The following HEXB variants were observed in gnomAD, a reference collection of about 807,000 sequenced individuals.
HEXB encodes the protein beta-hexosaminidase subunit beta.
A neutral mutation model predicts 71.2 loss-of-function variants in HEXB; 51 were observed. That is an observed-to-expected ratio of 0.72 (90% CI 0.57 to 0.90). The LOEUF is 0.90. Among genes scored for constraint, HEXB ranks in the 40% least tolerant of loss-of-function variants. The probability of loss-of-function intolerance (pLI) is 0.00; values close to 1 mark genes in which losing one functional copy is unlikely to be tolerated. For synonymous variants in HEXB, 266 were observed against 249.3 expected, an observed-to-expected ratio of 1.07 and a Z score of -0.63; for missense variants, 617 against 677.0, an observed-to-expected ratio of 0.91 and a Z score of 0.98.
rs17738111 is a variant in HEXB, at chr5:74,719,200, T to C, written c.1417+229T>C. ...TCAAGAAACCATACAGTTGCCTAAA[T>C]TCAAGAACTTCAAAAGTATTATAGA... On this transcript the variant is annotated intron_variant, in intron 11 of 13. Coordinates refer to ENST00000261416, the MANE Select transcript of HEXB (RefSeq NM_000521.4). Among the ~76,000 whole-genome samples the C allele has an allele frequency of 0.075, 11,382 of 152,282 alleles. 618 individuals are homozygous for C. The highest frequency in any genetic ancestry group is 0.16 in the East Asian group (848 of 5,172).
chr5:74,679,478 A>T (rs1748697625), intron 1 of HEXB, among the ~76,000 whole-genome samples: 1 of 152,156 alleles, frequency 6.6e-6, no homozygotes, highest in South Asian at 2.1e-4. Context: ...GGTGACTTCT[A>T]GCATGTGAGC....
chr5:74,680,818 T>C (rs1748724401), upstream of HEXB, among the ~76,000 whole-genome samples: 2 of 152,244 alleles, frequency 1.3e-5, no homozygotes, highest in Non-Finnish European at 2.9e-5. Context: ...ATTAAAGGTC[T>C]GATTTTACCC....
chr5:74,720,455 T>G lies in HEXB; in HGVS notation c.1445T>G (p.Ile482Ser), dbSNP rs773007352. Residue 482 changes from isoleucine to serine, a missense_variant, in exon 12 of 14, where the codon ATT becomes AGT. Transcript: ENST00000261416. The part of the protein sequence containing the change: ...GGTQKQKQLF[I>S]GGEACLWGEY... ...ACTCAGAAACAGAAACAACTTTTCA[T>G]TGGTGGAGAAGCTTGTCTATGGGGA... is the stretch of plus-strand genomic sequence containing the variant. The G allele has an allele frequency of 1.2e-6, 2 of 1,613,184 alleles. No homozygotes were observed. Among genetic ancestry groups the G allele is most frequent in the South Asian group, 2.2e-5 (2 of 91,066 alleles).
In HEXB at chr5:74,715,521, C is replaced by T. The variant is rs1480226407; in HGVS notation, c.913C>T (p.Leu305Phe). 8 of 1,607,592 alleles carry T rather than the reference C, an allele frequency of 5.0e-6. No homozygotes were observed. Among genetic ancestry groups the T allele is most frequent in the South Asian group, 1.1e-5 (1 of 90,918 alleles). Residue 305 changes from leucine (L) to phenylalanine (F), a missense_variant, in exon 8 of 14, where the codon CTC becomes TTC. By Grantham distance (22) the Leu-to-Phe change is conservative. Transcript: ENST00000261416. Reference protein sequence around the residue: ...TLSWGKGQKDLLTPCYSRQNK... With the variant: ...TLSWGKGQKDFLTPCYSRQNK... Reference sequence around the variant, plus strand: ...ATATTTTCTTCTAGGTCAGAAAGACCTCCTGACTCCATGTTACAGTAGACA... The same window carrying T: ...ATATTTTCTTCTAGGTCAGAAAGACTTCCTGACTCCATGTTACAGTAGACA...
chr5:74,641,015 A>C lies in HEXB; in HGVS notation c.-377+457A>C, dbSNP rs1460300529. On this transcript the variant is annotated intron_variant, in intron 1 of 13. Transcript: ENST00000511181. This position sits in a 1 kb window ranked among gnomAD's most constrained non-coding sequence, Gnocchi z 4.1. ...AGCTGCAACCCCGGGAACCGAGAATAAAATAAGTTTTCCCGGGTTCGAGTG... is the reference window on the plus strand; with the variant it reads ...AGCTGCAACCCCGGGAACCGAGAATCAAATAAGTTTTCCCGGGTTCGAGTG... The C allele has an allele frequency of 6.6e-6, 1 of 152,214 alleles. No individual in the cohort carries two copies. The highest frequency in any genetic ancestry group is 1.9e-4 in the East Asian group (1 of 5,176). The allele number at this position is 152,214 out of a possible 1,614,324, so 9.4% of individuals were successfully genotyped here.
chr5:74,718,370 A>AT lies in HEXB; in HGVS notation c.1242+9dup. ...TTTTGATGATAAAGCAAAGGTGAGCATTGTGAAGACTGCATCTGATCAATA... is the reference window on the plus strand; with the variant it reads ...TTTTGATGATAAAGCAAAGGTGAGCATTTGTGAAGACTGCATCTGATCAATA... On this transcript the variant is annotated splice_region_variant and intron_variant, in intron 10 of 13. Transcript: ENST00000261416. The AT allele has an allele frequency of 2.5e-6, 4 of 1,590,222 alleles. No individual in the cohort carries two copies. The highest frequency in any genetic ancestry group is 3.5e-6 in the Non-Finnish European group (4 of 1,158,208).
chr5:74,657,087 A>G (rs185093816), intron 1 of HEXB, among the ~76,000 whole-genome samples: 54 of 152,258 alleles, frequency 3.5e-4, no homozygotes, highest in African/African-American at 1.2e-3. Context: ...CCCCTGGTCA[A>G]CACAGCGACA....
intron 1 of HEXB, among the ~76,000 whole-genome samples, chr5:74,646,727 C>T (rs1398795276): frequency 6.6e-6 from 1 of 152,050 alleles, no homozygotes; most frequent in Non-Finnish European, 1.5e-5. Flanking sequence ...GCCACCGCGC[C>T]CAGCTAATTT....
intron 1 of HEXB, among the ~76,000 whole-genome samples, chr5:74,647,484 C>G (rs1272273767): frequency 6.6e-6 from 1 of 152,198 alleles, no homozygotes; most frequent in Non-Finnish European, 1.5e-5. Context: ...TTAACATTAG[C>G]AGAATGAACA....
intron 5 of HEXB, among the ~76,000 whole-genome samples, chr5:74,699,660 T>A (rs1749214343): frequency 6.6e-6 from 1 of 152,214 alleles, no homozygotes; most frequent in Non-Finnish European, 1.5e-5. Context: ...TTATCATAAA[T>A]ACTACTGCAG....
intron 1 of HEXB, among the ~76,000 whole-genome samples, chr5:74,653,321 T>C (rs1315685704): frequency 1.3e-5 from 2 of 152,238 alleles, no homozygotes; most frequent in Admixed American, 6.5e-5. Context: ...ATCCCACTCC[T>C]GGATCATTCA....
At chr5:74,648,345 G>C (rs181037721) in intron 1 of HEXB, among the ~76,000 whole-genome samples, 1 of 152,116 alleles carries the variant, frequency 6.6e-6, no homozygotes, top group Admixed American at 6.6e-5. Context: ...ATTTACTTTT[G>C]TAGTTGACTT....
chr5:74,699,114 A>G (rs61682964), intron 5 of HEXB, among the ~76,000 whole-genome samples: 1 of 151,988 alleles, frequency 6.6e-6, no homozygotes, highest in South Asian at 2.1e-4. Context: ...AACCTGGGAG[A>G]GGGAGGTTGG....
At chr5:74,688,494 C>G (rs1216443851) in intron 1 of HEXB, among the ~76,000 whole-genome samples, 2 of 152,066 alleles carry the variant, frequency 1.3e-5, no homozygotes, top group African/African-American at 4.8e-5. Flanking sequence ...GCCACCATAC[C>G]CAGCTGATTG....
At chr5:74,666,204 G>C (rs1748428807) in intron 1 of HEXB, among the ~76,000 whole-genome samples, 1 of 152,206 alleles carries the variant, frequency 6.6e-6, no homozygotes, top group African/African-American at 2.4e-5. Context: ...ATTTATGACA[G>C]GCCACAAGGC....
chr5:74,644,826 C>T (rs1747973438), intron 1 of HEXB, among the ~76,000 whole-genome samples: 1 of 112,628 alleles, frequency 8.9e-6, no homozygotes, highest in Non-Finnish European at 1.6e-5. Context: ...GGCTGGAGTG[C>T]AGTGGCGCAA....
At chr5:74,693,535 A>G in intron 2 of HEXB, 104 bp from the exon 3 acceptor site, 1 of 856,754 alleles carries the variant, frequency 1.2e-6, no homozygotes. Context: ...TGTGCTTGGG[A>G]GAAAATAATA....
chr5:74,686,656 T>A (rs1748881234), intron 1 of HEXB, among the ~76,000 whole-genome samples: 1 of 152,214 alleles, frequency 6.6e-6, no homozygotes, highest in Admixed American at 6.5e-5. Flanking sequence ...CCTTCTGTTT[T>A]GTACAACTAA....
At position 74,714,036 on chromosome 5, in the gene HEXB, C is replaced by T. The variant is rs577023574; in HGVS notation, c.901+401C>T. Among the ~76,000 whole-genome samples, 8 of 152,296 alleles carry T rather than the reference C, an allele frequency of 5.3e-5. No homozygotes were observed. The East Asian group carries it at 1.5e-3, about 29-fold the overall frequency. On this transcript the variant is annotated intron_variant, in intron 7 of 13. Coordinates refer to ENST00000261416, the MANE Select transcript of HEXB (RefSeq NM_000521.4). The stretch of plus-strand genomic sequence containing the variant: ...ATTTTTAGTAGAGACGGGGTTTCAC[C>T]GTGTTACCCAGGATGGTCTTGATCT...
Sources: gnomAD v4.1 joint callset for allele counts (sites outside exome capture counted in the v4.1 genomes callset) on GRCh38, gnomAD v4.1.1 for gene constraint, Gnocchi (gnomAD v3.1) non-coding constraint, MANE v1.5 for transcripts, NCBI Gene and HGNC (gene_info 2026-07-23, HGNC 2026-07-21) for gene names.